The following HERC1 variants were observed in gnomAD, a reference collection of about 807,000 sequenced individuals.
The protein encoded by HERC1 is HECT and RLD domain containing E3 ubiquitin protein ligase family member 1.
In HERC1, 160 loss-of-function variants were observed where a neutral mutation model predicts 554.3. The ratio of observed to expected loss-of-function variants is 0.29; its 90% confidence interval spans 0.25 to 0.33. The LOEUF is 0.33. Ranked by LOEUF, HERC1 falls within the 10% of genes least tolerant of loss-of-function variation. HERC1 has a pLI of 1.00. For synonymous variants in HERC1, 2,175 were observed against 2,131.7 expected (o/e 1.02, Z -0.56); for missense variants, 4,919 against 5,918.5 (o/e 0.83, Z 5.54).
At position 63,694,105 on chromosome 15, in the gene HERC1, G is replaced by T; in HGVS notation, c.5533C>A (p.Leu1845Ile). 1 of 1,610,500 alleles carries T rather than the reference G, an allele frequency of 6.2e-7. No homozygotes were observed. The highest frequency in any genetic ancestry group is 1.1e-5 in the South Asian group (1 of 90,206). Reference protein sequence around the residue: ...PKVVQSLLDLLCSQLKNLLSQ... With the variant: ...PKVVQSLLDLICSQLKNLLSQ... ...AATAAATTCTTCAACTGACTACAGAGTAGATCCAACAAGGATTGAACTACT... is the reference window on the plus strand; with the variant it reads ...AATAAATTCTTCAACTGACTACAGATTAGATCCAACAAGGATTGAACTACT... The change falls in exon 30 of 78, where the codon CTC becomes ATC. Residue 1845 changes from leucine to isoleucine, a missense_variant. Leu to Ile is a conservative substitution (Grantham distance 5, BLOSUM62 2). Coordinates refer to ENST00000443617, the MANE Select transcript of HERC1 (RefSeq NM_003922.4). This position sits in a 1 kb window ranked among gnomAD's most constrained non-coding sequence, Gnocchi z 4.3.
At chr15:63,729,142 T>G in intron 16 of HERC1, 94 bp downstream of exon 16, 1 of 1,134,908 alleles carries the variant, frequency 8.8e-7, no homozygotes, top group South Asian at 1.7e-5. Context: ...ACCATTCCTA[T>G]TCCAGAGGCT....
chr15:63,636,501 C>A (rs745528402), intron 64 of HERC1, among the ~76,000 whole-genome samples: 3 of 152,032 alleles, frequency 2.0e-5, no homozygotes, highest in Non-Finnish European at 2.9e-5. Context: ...GAACTCCTGA[C>A]CTCAAGTGAT....
rs183483792 is a variant in HERC1 at position 63,761,568 on chromosome 15, A to C, written c.1026+2528T>G. On this transcript the variant is annotated intron_variant, in intron 3 of 77. Coordinates refer to ENST00000443617, the MANE Select transcript of HERC1 (RefSeq NM_003922.4). ...CAGCACTGCACACTCTAGCCTGGGC[A>C]ACAGAGCAAGACTGTCTCAAAAAAA... Among the ~76,000 whole-genome samples, 446 of 145,724 alleles carry C rather than the reference A, an allele frequency of 3.1e-3. 1 individual carries two copies. The highest frequency in any genetic ancestry group is 4.5e-3 in the Non-Finnish European group (297 of 66,224).
At chr15:63,721,450 C>A (rs554392544) in intron 19 of HERC1, among the ~76,000 whole-genome samples, 7 of 152,000 alleles carry the variant, frequency 4.6e-5, no homozygotes, top group Non-Finnish European at 8.8e-5. Context: ...CGTTTGAACT[C>A]GGAAGGCGGA....
rs117601032 is a variant in HERC1, at chr15:63,630,311, T to C, written c.12966+155A>G. Among the ~76,000 whole-genome samples the C allele has an allele frequency of 4.9e-3, 749 of 152,344 alleles. 19 individuals carry two copies. Among genetic ancestry groups the C allele is most frequent in the Admixed American group, 0.041 (634 of 15,300 alleles). ...TGGCCGCAGTCGAGAGAGAAAGACATAACTAGACTTACAAAATAATCAGTC... is the reference window on the plus strand; with the variant it reads ...TGGCCGCAGTCGAGAGAGAAAGACACAACTAGACTTACAAAATAATCAGTC... On this transcript the variant is annotated intron_variant, in intron 69 of 77. Transcript: ENST00000443617.
chr15:63,610,498 T>C (rs528274727), intron 77 of HERC1, among the ~76,000 whole-genome samples: 1 of 151,874 alleles, frequency 6.6e-6, no homozygotes, highest in East Asian at 1.9e-4. Context: ...AAGGCAAGGG[T>C]TGTTTCCAGA....
intron 46 of HERC1, among the ~76,000 whole-genome samples, chr15:63,660,569 A>G (rs1439285352): frequency 6.6e-6 from 1 of 152,216 alleles, no homozygotes; most frequent in African/African-American, 2.4e-5. Flanking sequence ...CATGGGTCCA[A>G]CAAAGAGTTC....
intron 14 of HERC1, among the ~76,000 whole-genome samples, chr15:63,731,474 A>G (rs2074289242): frequency 6.6e-6 from 1 of 152,204 alleles, no homozygotes; most frequent in Non-Finnish European, 1.5e-5. Flanking sequence ...TTGTTGTAAC[A>G]TTCCTTATAA....
intron 8 of HERC1, among the ~76,000 whole-genome samples, chr15:63,750,688 T>G (rs1277448093): frequency 6.6e-6 from 1 of 152,136 alleles, no homozygotes; most frequent in Non-Finnish European, 1.5e-5. Flanking sequence ...TCCCAGCACG[T>G]TGGGAGGCTA....
At position 63,698,951 on chromosome 15, in the gene HERC1, C is replaced by A. The variant is rs759472880; in HGVS notation, c.4682G>T (p.Arg1561Leu). The part of the protein sequence containing the change: ...QLESLSDSWA[R>L]LKHSRDWLCN... ...TAACCAGTCTCTGCTATGTTTCAGG[C>A]GAGCCCAAGAGTCACTCAGGGATTC... Residue 1561 changes from arginine (R) to leucine (L), a missense_variant, in exon 26 of 78, where the codon CGC becomes CTC. This residue lies in a region of HERC1 where 1,121 missense variants were observed against 1,244.0 expected (regional missense o/e 0.90). Coordinates refer to ENST00000443617, the MANE Select transcript of HERC1 (RefSeq NM_003922.4). The A allele has an allele frequency of 1.9e-6, 3 of 1,613,622 alleles. No homozygotes were observed. In the South Asian group the frequency reaches 3.3e-5, roughly 18 times the overall value.
chr15:63,804,810 A>G lies in HERC1; in HGVS notation c.-27+29017T>C, dbSNP rs534687208. 5.3e-5 allele frequency among the ~76,000 whole-genome samples: 8 copies of G among 152,356 alleles called. No individual in the cohort carries two copies. The South Asian group carries it at 1.7e-3, about 32-fold the overall frequency. On this transcript the variant is annotated intron_variant, in intron 1 of 77. Coordinates refer to ENST00000443617, the MANE Select transcript of HERC1 (RefSeq NM_003922.4). ...TCTGGACACTTCACCAAAGATACAT[A>G]AACAGCCAAAAAAGCGCATGAAAGG... is the stretch of plus-strand genomic sequence containing the variant.
chr15:63,674,664 C>T lies in HERC1; in HGVS notation c.7524G>A (p.Leu2508=), dbSNP rs1343797564. The T allele has an allele frequency of 6.2e-7, 1 of 1,613,802 alleles. No individual in the cohort carries two copies. Among genetic ancestry groups the T allele is most frequent in the Admixed American group, 1.7e-5 (1 of 59,994 alleles). The change falls in exon 38 of 78, where the codon CTG becomes CTA. Residue 2508 remains leucine (L), a synonymous_variant. Coordinates refer to ENST00000443617, the MANE Select transcript of HERC1 (RefSeq NM_003922.4). ...TCATAGCACCGAGGTAAAGATAGGA[C>T]AGCTGGACTGCTCTGATTTCTGACT... is the stretch of plus-strand genomic sequence containing the variant. ...VAQSEIRAVQ[L]SYLYLGAMKS...
At chr15:63,726,135 C>T (rs1183656988) in intron 17 of HERC1, among the ~76,000 whole-genome samples, 7 of 152,084 alleles carry the variant, frequency 4.6e-5, no homozygotes, top group African/African-American at 1.2e-4. Context: ...GTGTGCACCA[C>T]GGTGCCTGGC....
intron 1 of HERC1, among the ~76,000 whole-genome samples, chr15:63,796,122 T>C (rs2076805659): frequency 6.6e-6 from 1 of 152,262 alleles, no homozygotes; most frequent in Non-Finnish European, 1.5e-5. Flanking sequence ...GAGAAGTTAC[T>C]ATTTATTCCT....
chr15:63,764,266 C>A, intron 2 of HERC1, 75 bp from the exon 3 acceptor site: 1 of 922,632 alleles, frequency 1.1e-6, no homozygotes, highest in Non-Finnish European at 1.7e-6. Flanking sequence ...AAACAGTCTA[C>A]AAAAACAACA....
Position 63,669,639 on chromosome 15 carries a change from G to A in HERC1, c.8105C>T (p.Pro2702Leu). 3 of 1,613,940 alleles carry A rather than the reference G, an allele frequency of 1.9e-6. No homozygotes were observed. The highest frequency in any genetic ancestry group is 2.5e-6 in the Non-Finnish European group (3 of 1,179,800). The change falls in exon 40 of 78, where the codon CCT becomes CTT. Residue 2702 changes from proline to leucine, a missense_variant. Around this residue, in one of 11 missense-constraint regions of HERC1, gnomAD observed 1,963 missense variants for 2,228.6 expected, o/e 0.88. Transcript: ENST00000443617. ...TVLPTRRAQT[P>L]PISSLPTSPS... ...AGAGGTTGGTAACGAAGATATTGGA[G>A]GAGTCTGTGCCCGACGTGTGGGAAG...
chr15:63,635,005 G>T, intron 65 of HERC1, 117 bp from the exon 66 acceptor site: 4 of 679,926 alleles, frequency 5.9e-6, no homozygotes, highest in South Asian at 2.8e-5. Flanking sequence ...ACTGAAAACT[G>T]GATCTTCAAA....
At chr15:63,671,614 T>C (rs2070928780) in intron 39 of HERC1, among the ~76,000 whole-genome samples, 1 of 152,134 alleles carries the variant, frequency 6.6e-6, no homozygotes, top group Admixed American at 6.5e-5. Context: ...AATTAAAATG[T>C]AAACTATGGG....
intron 19 of HERC1, 32 bp downstream of exon 19, chr15:63,723,150 C>T: frequency 7.5e-7 from 1 of 1,336,224 alleles, no homozygotes; most frequent in East Asian, 2.7e-5. Flanking sequence ...GAGCTAACTA[C>T]AAATTTACTC....
Sources: gnomAD v4.1 joint callset for allele counts (sites outside exome capture counted in the v4.1 genomes callset) on GRCh38, gnomAD v4.1.1 for gene constraint, gnomAD v4.1.1 regional missense constraint, Gnocchi (gnomAD v3.1) non-coding constraint, MANE v1.5 for transcripts, NCBI Gene and HGNC (gene_info 2026-07-23, HGNC 2026-07-21) for gene names.